Variants in PRKN observed in about 807,000 individuals in gnomAD.
The protein encoded by PRKN is parkin RBR E3 ubiquitin protein ligase, also known as E3 ubiquitin-protein ligase parkin.
Under a neutral mutation model 59.5 loss-of-function variants are expected in PRKN, and 56 were observed. That is an observed-to-expected ratio of 0.94 (90% CI 0.76 to 1.18). PRKN has a LOEUF of 1.18. Ranked by LOEUF, PRKN falls within the 50% of genes most tolerant of loss-of-function variation. The pLI, the probability that PRKN is intolerant of heterozygous loss-of-function variation, is 0.00. For synonymous variants in PRKN, 250 were observed against 222.1 expected (o/e 1.13, Z -1.12); for missense variants, 657 against 596.4 (o/e 1.10, Z -1.06).
chr6:162,295,965 G>A (rs768301866), intron 2 of PRKN, among the ~76,000 whole-genome samples: 12 of 151,978 alleles, frequency 7.9e-5, no homozygotes, highest in Non-Finnish European at 1.8e-4. Flanking sequence ...TGTTCCCAAG[G>A]CCACTACAAA....
intron 7 of PRKN, among the ~76,000 whole-genome samples, chr6:161,672,632 T>C (rs555335819): frequency 6.6e-6 from 1 of 152,136 alleles, no homozygotes; most frequent in East Asian, 1.9e-4. Flanking sequence ...AAAAATTAGC[T>C]GGGTGTGGTG....
chr6:162,541,200 G>C (rs1231792132), intron 1 of PRKN, among the ~76,000 whole-genome samples: 1 of 152,192 alleles, frequency 6.6e-6, no homozygotes, highest in African/African-American at 2.4e-5. Context: ...CCCTCATGTG[G>C]GGAGACAGAC....
At chr6:161,976,932 A>T (rs112227860) in intron 5 of PRKN, among the ~76,000 whole-genome samples, 3 of 152,196 alleles carry the variant, frequency 2.0e-5, no homozygotes, top group Admixed American at 2.0e-4. Flanking sequence ...AAGCCTTTTT[A>T]TTGGGGGTAG....
intron 7 of PRKN, among the ~76,000 whole-genome samples, chr6:161,616,264 GC>G (rs1227405902): frequency 9.8e-4 from 149 of 152,292 alleles, no homozygotes; most frequent in African/African-American, 3.4e-3. Flanking sequence ...CAACAGGTTT[GC>G]CTCCTGCTCT....
intron 9 of PRKN, among the ~76,000 whole-genome samples, chr6:161,415,638 C>T (rs1031611765): frequency 7.5e-6 from 1 of 133,170 alleles, no homozygotes; most frequent in Non-Finnish European, 1.6e-5. Context: ...CCGCCCGGAA[C>T]TAAGCCACAG....
At chr6:162,462,156 C>T (rs927748947) in intron 1 of PRKN, among the ~76,000 whole-genome samples, 1 of 152,048 alleles carries the variant, frequency 6.6e-6, no homozygotes, top group African/African-American at 2.4e-5. Context: ...TTCTATTTTA[C>T]AAAAGGACAA....
chr6:162,472,208 ACT>A (rs1791780554), intron 1 of PRKN, among the ~76,000 whole-genome samples: 1 of 134,510 alleles, frequency 7.4e-6, no homozygotes, highest in Admixed American at 7.6e-5. Context: ...CCAAACTCAA[ACT>A]TTTTTTTTAT....
At chr6:162,346,477 C>T (rs1300808638) in intron 2 of PRKN, among the ~76,000 whole-genome samples, 3 of 150,878 alleles carry the variant, frequency 2.0e-5, no homozygotes, top group Admixed American at 6.6e-5. Context: ...AAAAGCTAGC[C>T]AGGTGTGATG....
At chr6:162,012,911 G>A (rs1375401436) in intron 5 of PRKN, among the ~76,000 whole-genome samples, 4 of 152,102 alleles carry the variant, frequency 2.6e-5, no homozygotes, top group South Asian at 2.1e-4. Flanking sequence ...ATTTGGTTCA[G>A]GTGGTTCCTG....
intron 1 of PRKN, among the ~76,000 whole-genome samples, chr6:162,447,893 A>T (rs1173418018): frequency 6.6e-6 from 1 of 152,174 alleles, no homozygotes; most frequent in Non-Finnish European, 1.5e-5. Context: ...CCCTTGTTCC[A>T]GTGATTGATT....
rs966597058 is a variant in PRKN, at chr6:161,827,779, A to G, written c.735-41871T>C. On this transcript the variant is annotated intron_variant, in intron 6 of 11. Coordinates refer to ENST00000366898, the MANE Select transcript of PRKN (RefSeq NM_004562.3). ...CACCTTGGCCTCCCAAAGTTCTGGG[A>G]TTACAAGCGTGAGCCAGCACACCCG... 2.0e-5 allele frequency among the ~76,000 whole-genome samples: 3 copies of G among 152,270 alleles called. No individual in the cohort carries two copies. In the South Asian group the frequency reaches 6.2e-4, roughly 32 times the overall value.
At chr6:161,808,888 T>G (rs1436558525) in intron 6 of PRKN, among the ~76,000 whole-genome samples, 1 of 152,238 alleles carries the variant, frequency 6.6e-6, no homozygotes, top group East Asian at 1.9e-4. Flanking sequence ...TTGCTGAGGC[T>G]GGAGCGCGGT....
chr6:162,695,731 T>C (rs1365137396), intron 1 of PRKN, among the ~76,000 whole-genome samples: 1 of 152,190 alleles, frequency 6.6e-6, no homozygotes, highest in Non-Finnish European at 1.5e-5. Context: ...AAGAAATAAT[T>C]TCCAAATCTG....
intron 1 of PRKN, among the ~76,000 whole-genome samples, chr6:162,531,313 A>G (rs960352638): frequency 6.6e-6 from 1 of 152,140 alleles, no homozygotes; most frequent in Non-Finnish European, 1.5e-5. Context: ...CTCGCTGCCT[A>G]GACAGAGCCG....
chr6:162,542,311 G>A (rs563836242), intron 1 of PRKN, among the ~76,000 whole-genome samples: 25 of 152,166 alleles, frequency 1.6e-4, no homozygotes, highest in East Asian at 9.7e-4. Flanking sequence ...AGCCCTGTGA[G>A]GTAACTACTG....
chr6:162,634,141 C>T (rs1777621083), intron 1 of PRKN, among the ~76,000 whole-genome samples: 1 of 152,140 alleles, frequency 6.6e-6, no homozygotes, highest in Non-Finnish European at 1.5e-5. Context: ...CTCTCCATAC[C>T]TGGGCTTTGG....
At chr6:162,526,417 C>A (rs1012811714) in intron 1 of PRKN, among the ~76,000 whole-genome samples, 10 of 151,140 alleles carry the variant, frequency 6.6e-5, no homozygotes, top group Non-Finnish European at 1.2e-4. Context: ...TTTGGGAGGC[C>A]GAGGCGGGCA....
intron 4 of PRKN, among the ~76,000 whole-genome samples, chr6:162,140,955 C>T (rs970547580): frequency 6.6e-6 from 1 of 151,926 alleles, no homozygotes; most frequent in East Asian, 1.9e-4. Context: ...GGTGAAACCC[C>T]GTCTCTACTA....
intron 1 of PRKN, among the ~76,000 whole-genome samples, chr6:162,718,491 C>T (rs2128240033): frequency 6.6e-6 from 1 of 152,194 alleles, no homozygotes; most frequent in Admixed American, 6.5e-5. Flanking sequence ...ACAGGTGGAT[C>T]ACGAGGTCAG....
Sources: gnomAD v4.1 joint callset for allele counts (sites outside exome capture counted in the v4.1 genomes callset) on GRCh38, gnomAD v4.1.1 for gene constraint, MANE v1.5 for transcripts, NCBI Gene and HGNC (gene_info 2026-07-23, HGNC 2026-07-21) for gene names.